ARPC1B: variants seen among roughly 807,000 people sequenced by gnomAD.
ARPC1B encodes actin related protein 2/3 complex subunit 1B.
ARPC1B carries 29 observed loss-of-function variants against 46.0 expected under a neutral mutation model. The ratio of observed to expected loss-of-function variants is 0.63; its 90% CI spans 0.47 to 0.86. The LOEUF (loss-of-function observed/expected upper bound fraction) is 0.86, where lower values mean the gene tolerates loss of function less well. ARPC1B is among the 40% of genes least tolerant of loss of function. The pLI is 0.00. For synonymous variants in ARPC1B, 201 were observed against 213.9 expected, an observed-to-expected ratio of 0.94 and a Z score of 0.53; for missense variants, 469 against 529.4, an observed-to-expected ratio of 0.89 and a Z score of 1.12.
upstream of ARPC1B, chr7:99,374,718 G>C (rs571165030): frequency 2.0e-5 from 3 of 151,808 alleles, no homozygotes; most frequent in South Asian, 4.2e-4. The surrounding 1 kb of genome is among the most constrained non-coding windows in gnomAD (Gnocchi z 5.0). Context: ...CTGCTGCTCC[G>C]GCGCGGAGCC....
At chr7:99,388,333 C>T in intron 4 of ARPC1B, 72 bp downstream of exon 4, 1 of 1,466,720 alleles carries the variant, frequency 6.8e-7, no homozygotes, top group Admixed American at 1.8e-5. Context: ...CCGGGAAGCA[C>T]CAAATGGGAT....
chr7:99,375,733 G>A (rs1223490693), intron 1 of ARPC1B, among the ~76,000 whole-genome samples: 2 of 152,170 alleles, frequency 1.3e-5, no homozygotes, highest in Non-Finnish European at 2.9e-5. Context: ...GGCCAGCATG[G>A]ACAGCATTGC....
intron 3 of ARPC1B, 82 bp downstream of exon 3, chr7:99,386,871 AT>A: frequency 9.9e-7 from 1 of 1,011,350 alleles, no homozygotes; most frequent in Non-Finnish European, 1.5e-6. Flanking sequence ...ATGGCCACTC[AT>A]TGTGGAGCAT....
In ARPC1B at chr7:99,391,025, A is replaced by G; in HGVS notation, c.633A>G (p.Ser211=). The G allele has an allele frequency of 6.2e-7, 1 of 1,613,906 alleles. No individual in the cohort carries two copies. Among genetic ancestry groups the G allele is most frequent in the Non-Finnish European group, 8.5e-7 (1 of 1,180,008 alleles). Residue 211 remains serine, a synonymous_variant, in exon 6 of 10, where the codon TCA becomes TCG. Transcript: ENST00000646101. ...SCGWVHGVCF[S]ASGSRVAWVS... ...GCTGGGTACATGGCGTCTGTTTCTC[A>G]GCCAGCGGGAGCCGCGTGGCCTGGG...
chr7:99,394,602 T>C lies in ARPC1B; in HGVS notation c.*113T>C, dbSNP rs966464685. 5.1e-6 allele frequency: 8 copies of C among 1,560,024 alleles called. No individual in the cohort carries two copies. Among genetic ancestry groups the C allele is most frequent in the Admixed American group, 1.9e-5 (1 of 53,088 alleles). On this transcript the variant is annotated 3_prime_UTR_variant, in exon 10 of 10. Transcript: ENST00000646101. ...TCTGGGGTACCAATACGAGTTCCCA[T>C]AGGGGCTGCTCCCTCAAAAAGGGAG...
rs1794691200 is a variant in ARPC1B, at chr7:99,394,296, C to T, written c.1081-155C>T. 18 of 1,041,270 alleles carry T rather than the reference C, an allele frequency of 1.7e-5. No individual in the cohort carries two copies. In the East Asian group the frequency reaches 4.4e-4, roughly 25 times the overall value. The allele number at this position is 1,041,270 out of a possible 1,614,324, so 64.5% of individuals were successfully genotyped here. A position where few individuals can be genotyped will look rare whatever the true frequency, so the allele number is the denominator to read the frequency against. The stretch of plus-strand genomic sequence containing the variant: ...CCTTGGTGCTCACTGGGGCACCCGT[C>T]TTCAGGGCCGGGATTCCAACCCAGC... On this transcript the variant is annotated intron_variant, in intron 9 of 9. Transcript: ENST00000646101.
At chr7:99,393,016 G>A (rs1400879035) in intron 8 of ARPC1B, 140 bp downstream of exon 8, 1 of 960,454 alleles carries the variant, frequency 1.0e-6, no homozygotes, top group Non-Finnish European at 1.5e-6. Flanking sequence ...AGGGAGGGTA[G>A]GCGTGCCCTC....
chr7:99,384,878 T>C (rs1435629290), intron 1 of ARPC1B, among the ~76,000 whole-genome samples: 1 of 148,172 alleles, frequency 6.7e-6, no homozygotes, highest in South Asian at 2.1e-4. Context: ...TTTTTTTTTT[T>C]CTGAGATGAG....
chr7:99,392,374 T>C (rs1366766449), intron 7 of ARPC1B, among the ~76,000 whole-genome samples: 1 of 152,176 alleles, frequency 6.6e-6, no homozygotes, highest in Non-Finnish European at 1.5e-5. Context: ...GGCTTGCTTT[T>C]TGCCTAGAAA....
At chr7:99,393,709 C>T (rs1584414066) in intron 8 of ARPC1B, among the ~76,000 whole-genome samples, 1 of 152,292 alleles carries the variant, frequency 6.6e-6, no homozygotes, top group African/African-American at 2.4e-5. Flanking sequence ...ACACCTTTGT[C>T]CAGCTATCAG....
intron 1 of ARPC1B, among the ~76,000 whole-genome samples, chr7:99,382,682 C>T (rs1794263754): frequency 6.6e-6 from 1 of 152,000 alleles, no homozygotes; most frequent in African/African-American, 2.4e-5. Flanking sequence ...CTGTATCGCC[C>T]ATGCTTGTCT....
chr7:99,379,995 C>G (rs1333940694), intron 1 of ARPC1B, among the ~76,000 whole-genome samples: 1 of 152,164 alleles, frequency 6.6e-6, no homozygotes, highest in Non-Finnish European at 1.5e-5. Context: ...ACAGTGCTGG[C>G]TCACAGGGCC....
chr7:99,387,363 G>A (rs74833538), intron 3 of ARPC1B, among the ~76,000 whole-genome samples: 1 of 152,222 alleles, frequency 6.6e-6, no homozygotes, highest in East Asian at 1.9e-4. Context: ...GAACCCAGGA[G>A]GCGGAGGTTG....
Position 99,394,796 on chromosome 7 carries a change from A to AT in ARPC1B, c.*307_*308insT. ...CAACTGTGTAAAAAAAAAAAAAAAAAAAAAAGTAATTATGGACATGCTTGC... is the reference window on the plus strand; with the variant it reads ...CAACTGTGTAAAAAAAAAAAAAAAAATAAAAAGTAATTATGGACATGCTTGC... On this transcript the variant is annotated 3_prime_UTR_variant, in exon 10 of 10. Transcript: ENST00000646101. 8.1e-7 allele frequency: 1 copy of AT among 1,236,258 alleles called. No individual in the cohort carries two copies. Among genetic ancestry groups the AT allele is most frequent in the Non-Finnish European group, 1.0e-6 (1 of 991,130 alleles). 76.6% of individuals were successfully genotyped at this position (1,236,258 alleles called of 1,614,324 possible). A position where few individuals can be genotyped will look rare whatever the true frequency, so the allele number is the denominator to read the frequency against.
intron 7 of ARPC1B, among the ~76,000 whole-genome samples, chr7:99,391,838 G>A (rs770431215): frequency 5.3e-5 from 8 of 151,448 alleles, no homozygotes; most frequent in Non-Finnish European, 7.4e-5. Context: ...GATCACCTGA[G>A]GTCAGGGGTT....
In ARPC1B at chr7:99,388,069, T is replaced by C. The variant is rs1794451329; in HGVS notation, c.200T>C (p.Ile67Thr). Reference protein sequence around the residue: ...GIDWAPESNRIVTCGTDRNAY... With the variant: ...GIDWAPESNRTVTCGTDRNAY... Reference sequence around the variant, plus strand: ...GACTGGGCCCCCGAGAGTAACCGTATTGTGACCTGCGGCACAGACCGCAAC... The same window carrying C: ...GACTGGGCCCCCGAGAGTAACCGTACTGTGACCTGCGGCACAGACCGCAAC... The change falls in exon 4 of 10, where the codon ATT becomes ACT. Residue 67 changes from isoleucine to threonine, a missense_variant. Coordinates refer to ENST00000646101, the MANE Select transcript of ARPC1B (RefSeq NM_005720.4). 4 of 1,612,026 alleles carry C rather than the reference T, an allele frequency of 2.5e-6. No homozygotes were observed. Among genetic ancestry groups the C allele is most frequent in the Non-Finnish European group, 3.4e-6 (4 of 1,178,316 alleles).
rs752204964 is a variant in ARPC1B, at chr7:99,388,172, C to T, written c.303C>T (p.Cys101=). 19 of 1,614,138 alleles carry T rather than the reference C, an allele frequency of 1.2e-5. No homozygotes were observed. The highest frequency in any genetic ancestry group is 1.7e-5 in the Admixed American group (1 of 60,006). ...TGCGGATCAACCGGGCTGCCCGCTGCGTGCGCTGGGCCCCCAACGAGAACA... is the reference window on the plus strand; with the variant it reads ...TGCGGATCAACCGGGCTGCCCGCTGTGTGCGCTGGGCCCCCAACGAGAACA... The part of the protein sequence containing the change: ...VILRINRAAR[C]VRWAPNENKF... The change falls in exon 4 of 10, where the codon TGC becomes TGT. Residue 101 remains cysteine (C), a synonymous_variant. Transcript: ENST00000646101.
intron 3 of ARPC1B, 61 bp downstream of exon 3, chr7:99,386,850 C>T: frequency 7.8e-7 from 1 of 1,284,902 alleles, no homozygotes. Flanking sequence ...GGGGGTGGTG[C>T]AAGGCAGGGC....
At chr7:99,387,172 T>C (rs945938620) in intron 3 of ARPC1B, among the ~76,000 whole-genome samples, 4 of 152,244 alleles carry the variant, frequency 2.6e-5, no homozygotes, top group African/African-American at 4.8e-5. Flanking sequence ...CCGGGTGCAG[T>C]GGCTCATGCC....
Sources: allele counts gnomAD v4.1 joint callset (sites outside exome capture counted in the v4.1 genomes callset), GRCh38; gene constraint gnomAD v4.1.1; non-coding constraint Gnocchi (gnomAD v3.1); transcripts MANE v1.5; gene names NCBI Gene and HGNC (gene_info 2026-07-23, HGNC 2026-07-21).